PDE8B: variants seen among roughly 807,000 people sequenced by gnomAD.
The protein encoded by PDE8B is phosphodiesterase 8B.
PDE8B carries 26 observed loss-of-function variants against 101.3 expected under a neutral mutation model. The ratio of observed to expected loss-of-function variants is 0.26; its 90% CI spans 0.19 to 0.36. The LOEUF is 0.36. Ranked by LOEUF, PDE8B falls within the 10% of genes least tolerant of loss-of-function variation. The probability of loss-of-function intolerance (pLI) is 1.00; values close to 1 mark genes in which losing one functional copy is unlikely to be tolerated. For synonymous variants in PDE8B, 424 were observed against 429.3 expected, an observed-to-expected ratio of 0.99 and a Z score of 0.15; for missense variants, 810 against 1,163.1, an observed-to-expected ratio of 0.70 and a Z score of 4.42.
At position 77,301,892 on chromosome 5, in the gene PDE8B, T is replaced by TTTTTG. The variant is rs528464999; in HGVS notation, c.340-10082_340-10078dup. Among the ~76,000 whole-genome samples, 150 of 152,338 alleles carry TTTTTG rather than the reference T, an allele frequency of 9.8e-4. 3 individuals are homozygous for TTTTTG. The East Asian group carries it at 0.028, about 28-fold the overall frequency. On this transcript the variant is annotated intron_variant, in intron 1 of 21. Coordinates refer to ENST00000264917, the MANE Select transcript of PDE8B (RefSeq NM_003719.5). ...AGCATCGAACTGCAGTTTGGGGTTT[T>TTTTTG]TTTTGTTTTGTTTTGTTTTGTTTTC...
the PDE8B span, among the ~76,000 whole-genome samples, chr5:77,190,180 G>A: frequency 6.0e-4 from 91 of 152,270 alleles, 2 homozygotes; most frequent in African/African-American, 2.1e-3. Context: ...GGTGATTGTG[G>A]TCTGGCTTTG....
the PDE8B span, among the ~76,000 whole-genome samples, chr5:77,123,837 G>A: frequency 0.03 from 4,619 of 152,292 alleles, 146 homozygotes; most frequent in African/African-American, 0.079. Flanking sequence ...GGAAAGAATA[G>A]TTCTGTGTAA....
At chr5:77,110,806 C>T in the PDE8B span, among the ~76,000 whole-genome samples, 2 of 152,208 alleles carry the variant, frequency 1.3e-5, no homozygotes, top group Admixed American at 6.5e-5. Context: ...TTCCACTAGG[C>T]CATTGATGCA....
intron 1 of PDE8B, chr5:77,290,279 C>G: frequency 6.4e-7 from 1 of 1,556,612 alleles, no homozygotes; most frequent in Non-Finnish European, 8.8e-7. Context: ...TGTCCACTCT[C>G]CTCATCAATC....
At chr5:77,391,068 C>A (rs1378779341) in intron 10 of PDE8B, among the ~76,000 whole-genome samples, 2 of 152,138 alleles carry the variant, frequency 1.3e-5, no homozygotes, top group Non-Finnish European at 2.9e-5. Flanking sequence ...AACCACAGAC[C>A]CACTCATTCT....
intron 10 of PDE8B, among the ~76,000 whole-genome samples, chr5:77,365,990 A>G (rs1471914869): frequency 6.6e-6 from 1 of 152,166 alleles, no homozygotes; most frequent in Non-Finnish European, 1.5e-5. Flanking sequence ...AGATTTGGGG[A>G]CAAATACAAC....
the PDE8B span, among the ~76,000 whole-genome samples, chr5:77,175,629 C>T: frequency 6.6e-5 from 10 of 152,180 alleles, no homozygotes; most frequent in Non-Finnish European, 1.3e-4. Flanking sequence ...TGTTAATTGT[C>T]TCTCTTCCTC....
chr5:77,365,065 G>A (rs903262605), intron 10 of PDE8B, among the ~76,000 whole-genome samples: 1 of 152,186 alleles, frequency 6.6e-6, no homozygotes, highest in African/African-American at 2.4e-5. Context: ...CAGGAGGAAC[G>A]TTCACATCTA....
intron 1 of PDE8B, among the ~76,000 whole-genome samples, chr5:77,270,219 T>C (rs1762523811): frequency 6.6e-6 from 1 of 152,230 alleles, no homozygotes; most frequent in African/African-American, 2.4e-5. Flanking sequence ...ATTTTATTTG[T>C]AGCTATTTTA....
At chr5:77,332,993 T>TATAC (rs142737335) in intron 5 of PDE8B, among the ~76,000 whole-genome samples, 4 of 151,610 alleles carry the variant, frequency 2.6e-5, no homozygotes, top group Non-Finnish European at 5.9e-5. Flanking sequence ...AATATATATA[T>TATAC]ATATTCCTGT....
chr5:77,427,539 A>C lies in PDE8B; in HGVS notation c.*985A>C, dbSNP rs1798367850. ...TTTGGGAGGGGATAGGGGAAGTTTC[A>C]AGGTTCAGATATTTTTAACCAGTCT... On this transcript the variant is annotated 3_prime_UTR_variant, in exon 22 of 22. Transcript: ENST00000264917. The C allele has an allele frequency of 6.6e-6, 1 of 152,220 alleles. No homozygotes were observed. Among genetic ancestry groups the C allele is most frequent in the African/African-American group, 2.4e-5 (1 of 41,458 alleles). The allele number at this position is 152,220 out of a possible 1,614,324, so 9.4% of individuals were successfully genotyped here.
chr5:77,236,933 T>C (rs1754816313), intron 1 of PDE8B, among the ~76,000 whole-genome samples: 1 of 152,204 alleles, frequency 6.6e-6, no homozygotes. Context: ...GTTTTGTCAG[T>C]TTTTGCTTTA....
chr5:77,407,346 C>T (rs369439696), intron 12 of PDE8B, 35 bp from the exon 13 acceptor site: 31 of 1,583,232 alleles, frequency 2.0e-5, no homozygotes, highest in Admixed American at 1.2e-4. Context: ...ACTGAGCCAC[C>T]GGAACTGGAC....
At chr5:77,337,177 C>CT in intron 5 of PDE8B, 50 bp from the exon 6 acceptor site, 1 of 1,014,896 alleles carries the variant, frequency 9.9e-7, no homozygotes, top group Non-Finnish European at 1.5e-6. Context: ...ATTTGACTCT[C>CT]TAAGAAGTAA....
chr5:77,416,010 G>C (rs1795461031), intron 17 of PDE8B, among the ~76,000 whole-genome samples: 1 of 152,180 alleles, frequency 6.6e-6, no homozygotes, highest in Non-Finnish European at 1.5e-5. Flanking sequence ...TTGCGGGTTT[G>C]GTGGGGTTTT....
intron 20 of PDE8B, 83 bp downstream of exon 20, chr5:77,422,071 G>T (rs970096278): frequency 7.0e-7 from 1 of 1,428,826 alleles, no homozygotes; most frequent in African/African-American, 1.4e-5. Context: ...TTCTCCAGCT[G>T]AGTAACTTTT....
chr5:77,319,322 G>A (rs929340913), intron 2 of PDE8B, among the ~76,000 whole-genome samples: 1 of 152,126 alleles, frequency 6.6e-6, no homozygotes, highest in South Asian at 2.1e-4. Flanking sequence ...GTAACTTATC[G>A]CTTTTTTTAA....
chr5:77,130,377 C>T, the PDE8B span, among the ~76,000 whole-genome samples: 1 of 152,076 alleles, frequency 6.6e-6, no homozygotes, highest in Non-Finnish European at 1.5e-5. Context: ...GTTAGTTCTC[C>T]TTCCTGGGAG....
intron 10 of PDE8B, among the ~76,000 whole-genome samples, chr5:77,383,527 C>A (rs571995605): frequency 6.6e-6 from 1 of 151,514 alleles, no homozygotes; most frequent in African/African-American, 2.4e-5. Flanking sequence ...TAAAACATAC[C>A]AAGTGTTTTA....
Sources: allele counts gnomAD v4.1 joint callset (sites outside exome capture counted in the v4.1 genomes callset), GRCh38; gene constraint gnomAD v4.1.1; transcripts MANE v1.5; gene names NCBI Gene and HGNC (gene_info 2026-07-23, HGNC 2026-07-21).